The following ACAP2 variants were observed in gnomAD, a reference collection of about 807,000 sequenced individuals.
ACAP2 encodes arf-GAP with coiled-coil, ANK repeat and PH domain-containing protein 2.
In ACAP2, 39 loss-of-function variants were observed where a neutral mutation model predicts 115.8. The observed-to-expected ratio is 0.34, with a 90% CI of 0.26 to 0.44. ACAP2 has a LOEUF of 0.44. Among genes scored for constraint, ACAP2 ranks in the 20% least tolerant of loss-of-function variants. The pLI is 1.00. For missense variants in ACAP2, 662 were observed against 927.6 expected, an observed-to-expected ratio of 0.71 and a Z score of 3.72; for synonymous variants, 289 against 315.8, an observed-to-expected ratio of 0.92 and a Z score of 0.90.
At chr3:195,279,751 T>C (rs2108882249) in intron 22 of ACAP2, 1 of 170,910 alleles carries the variant, frequency 5.9e-6, no homozygotes, top group East Asian at 1.6e-4. Flanking sequence ...TCATTCTAAA[T>C]GAGGTGGAGT....
chr3:195,349,841 G>A (rs1473879893), intron 4 of ACAP2: 4 of 356,348 alleles, frequency 1.1e-5, no homozygotes, highest in Non-Finnish European at 2.2e-5. Context: ...CTAGATGTGC[G>A]CATTGACACC....
At position 195,302,097 on chromosome 3, in the gene ACAP2, T is replaced by G; in HGVS notation, c.1194A>C (p.Gly398=). ...ACTGGACCCGCTGAAGCGCACTTTCTCCTTTCAATAATTTCTCTTTGGACT... is the reference window on the plus strand; with the variant it reads ...ACTGGACCCGCTGAAGCGCACTTTCGCCTTTCAATAATTTCTCTTTGGACT... ...GNESKEKLLK[G]ESALQRVQCI... is the part of the protein sequence containing the mutation. Residue 398 remains glycine (G), a synonymous_variant, in exon 14 of 23, where the codon GGA becomes GGC. Coordinates refer to ENST00000326793, the MANE Select transcript of ACAP2 (RefSeq NM_012287.6). 1 of 1,614,156 alleles carries G rather than the reference T, an allele frequency of 6.2e-7. No homozygotes were observed. Among genetic ancestry groups the G allele is most frequent in the Non-Finnish European group, 8.5e-7 (1 of 1,180,036 alleles).
rs80008879 is a variant in ACAP2, at chr3:195,318,622, T to C, written c.857+2079A>G. ...CTTCAGAGAGAGGATTTAGGATATC[T>C]GGCAGAAGAAATTTCTAAGCAGGAA... On this transcript the variant is annotated intron_variant, in intron 10 of 22. Transcript: ENST00000326793. 1.6e-3 allele frequency among the ~76,000 whole-genome samples: 241 copies of C among 152,328 alleles called. 1 individual carries two copies. Among genetic ancestry groups the C allele is most frequent in the African/African-American group, 5.8e-3 (239 of 41,562 alleles).
At chr3:195,406,876 T>C (rs1217250984) in intron 1 of ACAP2, among the ~76,000 whole-genome samples, 4 of 152,224 alleles carry the variant, frequency 2.6e-5, no homozygotes, top group African/African-American at 7.2e-5. Flanking sequence ...ATATGTTGTG[T>C]CTGACAGAAT....
chr3:195,437,885 CTTTTTT>C (rs1186712431), intron 1 of ACAP2, among the ~76,000 whole-genome samples: 3 of 90,746 alleles, frequency 3.3e-5, no homozygotes, highest in African/African-American at 4.3e-5. Flanking sequence ...ACTTTACATG[CTTTTTT>C]TTTTTTTTTT....
At chr3:195,341,298 C>G (rs1416611406) in intron 6 of ACAP2, among the ~76,000 whole-genome samples, 1 of 142,908 alleles carries the variant, frequency 7.0e-6, no homozygotes, top group Admixed American at 6.9e-5. Context: ...TGGGTTTTTT[C>G]GTTTGTTTGT....
chr3:195,286,418 G>A (rs150584320), intron 21 of ACAP2, among the ~76,000 whole-genome samples: 3 of 152,162 alleles, frequency 2.0e-5, no homozygotes, highest in African/African-American at 4.8e-5. Flanking sequence ...ACTCATCTTG[G>A]CAGCAGATGA....
At chr3:195,420,994 T>A (rs778473907) in intron 1 of ACAP2, among the ~76,000 whole-genome samples, 1 of 152,282 alleles carries the variant, frequency 6.6e-6, no homozygotes, top group Non-Finnish European at 1.5e-5. Flanking sequence ...GAATAAGGAA[T>A]AGGGTTATAG....
intron 6 of ACAP2, among the ~76,000 whole-genome samples, chr3:195,338,279 A>G (rs1381875478): frequency 6.6e-6 from 1 of 152,126 alleles, no homozygotes; most frequent in African/African-American, 2.4e-5. Flanking sequence ...ATATTTCTTA[A>G]ATAAATTAAC....
In ACAP2 at chr3:195,291,107, T is replaced by C. The variant is rs958404226; in HGVS notation, c.2063+599A>G. Among the ~76,000 whole-genome samples, 10 of 152,286 alleles carry C rather than the reference T, an allele frequency of 6.6e-5. 1 individual carries two copies. Among genetic ancestry groups the C allele is most frequent in the Admixed American group, 6.5e-4 (10 of 15,306 alleles). Reference sequence around the variant, plus strand: ...AATCGGATACCCTGAGATATCTTATTAAGAAACAAGCGTTTAAGACACAAA... The same window carrying C: ...AATCGGATACCCTGAGATATCTTATCAAGAAACAAGCGTTTAAGACACAAA... On this transcript the variant is annotated intron_variant, in intron 20 of 22. Coordinates refer to ENST00000326793, the MANE Select transcript of ACAP2 (RefSeq NM_012287.6).
chr3:195,398,092 T>G (rs931647235), intron 1 of ACAP2, among the ~76,000 whole-genome samples: 5 of 152,132 alleles, frequency 3.3e-5, no homozygotes, highest in Admixed American at 3.3e-4. Context: ...TGGAGTCCTC[T>G]CCTAACTTCC....
chr3:195,386,584 T>C (rs370995671), intron 2 of ACAP2, among the ~76,000 whole-genome samples: 1 of 150,800 alleles, frequency 6.6e-6, no homozygotes, highest in African/African-American at 2.4e-5. Flanking sequence ...TAAGTAGGAG[T>C]TGAACAATGA....
intron 1 of ACAP2, among the ~76,000 whole-genome samples, chr3:195,429,833 T>A (rs1463441921): frequency 6.6e-6 from 1 of 152,212 alleles, no homozygotes; most frequent in African/African-American, 2.4e-5. Context: ...TAGTTTTAGG[T>A]CTTCCATTTA....
chr3:195,406,813 C>T (rs891115267), intron 1 of ACAP2, among the ~76,000 whole-genome samples: 2 of 152,112 alleles, frequency 1.3e-5, no homozygotes, highest in Admixed American at 6.6e-5. Context: ...TCATAAAACT[C>T]GTAAGTATAC....
chr3:195,347,888 T>C (rs761261345), intron 4 of ACAP2, among the ~76,000 whole-genome samples: 4 of 152,038 alleles, frequency 2.6e-5, no homozygotes, highest in Admixed American at 1.3e-4. Context: ...GGCACACACT[T>C]GTAGTCCTAA....
intron 1 of ACAP2, among the ~76,000 whole-genome samples, chr3:195,431,200 T>C (rs1002384588): frequency 2.6e-5 from 4 of 152,250 alleles, no homozygotes; most frequent in Non-Finnish European, 4.4e-5. Flanking sequence ...ATCCATATTA[T>C]GGCATATAAC....
chr3:195,384,596 G>A (rs536331922), intron 2 of ACAP2, among the ~76,000 whole-genome samples: 1 of 152,216 alleles, frequency 6.6e-6, no homozygotes, highest in South Asian at 2.1e-4. Context: ...GCATGGTGGT[G>A]CGCACCTGTA....
intron 2 of ACAP2, among the ~76,000 whole-genome samples, chr3:195,388,882 G>A (rs945126311): frequency 9.9e-5 from 15 of 151,970 alleles, no homozygotes; most frequent in South Asian, 4.2e-4. Context: ...AAATTAGCCA[G>A]GTGTGGTATC....
chr3:195,296,875 A>G (rs1727687824), intron 16 of ACAP2, among the ~76,000 whole-genome samples: 2 of 152,180 alleles, frequency 1.3e-5, no homozygotes. Flanking sequence ...GACAGTAATG[A>G]ATAGATTATC....
Sources: allele counts gnomAD v4.1 joint callset (sites outside exome capture counted in the v4.1 genomes callset), GRCh38; gene constraint gnomAD v4.1.1; transcripts MANE v1.5; gene names NCBI Gene and HGNC (gene_info 2026-07-23, HGNC 2026-07-21).